The following STX8 variants were observed in gnomAD, a reference collection of about 807,000 sequenced individuals.
STX8 encodes syntaxin 8.
A neutral mutation model predicts 37.5 loss-of-function variants in STX8; 23 were observed. The observed-to-expected ratio is 0.61, with a 90% confidence interval of 0.44 to 0.87. The LOEUF (loss-of-function observed/expected upper bound fraction) is 0.87. STX8 is among the 40% of genes least tolerant of loss of function. The pLI is 0.00. For synonymous variants in STX8, 115 were observed against 99.1 expected (o/e 1.16, Z -0.95); for missense variants, 313 against 284.7 (o/e 1.10, Z -0.71).
At chr17:9,377,352 G>A (rs1478526988) in intron 7 of STX8, among the ~76,000 whole-genome samples, 1 of 151,568 alleles carries the variant, frequency 6.6e-6, no homozygotes, top group African/African-American at 2.4e-5. Flanking sequence ...CCAAGTGGAA[G>A]TACAGTAAGA....
intron 4 of STX8, among the ~76,000 whole-genome samples, chr17:9,536,195 T>C (rs983423438): frequency 2.6e-5 from 4 of 152,228 alleles, no homozygotes; most frequent in Admixed American, 2.6e-4. Flanking sequence ...ATATTACTTA[T>C]GCAAAACACA....
chr17:9,341,521 C>T (rs1910357900), intron 7 of STX8, among the ~76,000 whole-genome samples: 1 of 152,216 alleles, frequency 6.6e-6, no homozygotes, highest in Non-Finnish European at 1.5e-5. Flanking sequence ...ACTGCAACCT[C>T]TGTCTCCTGG....
intron 6 of STX8, among the ~76,000 whole-genome samples, chr17:9,424,676 T>C (rs1306816621): frequency 6.6e-6 from 1 of 152,148 alleles, no homozygotes; most frequent in Admixed American, 6.5e-5. Context: ...AGCTCTCTCA[T>C]ACAAGCATTC....
intron 7 of STX8, among the ~76,000 whole-genome samples, chr17:9,253,057 G>T (rs555540415): frequency 4.3e-4 from 65 of 152,332 alleles, no homozygotes; most frequent in Non-Finnish European, 7.8e-4. Flanking sequence ...CCACTTAGGC[G>T]CTGGCCTTCA....
chr17:9,442,083 A>G (rs1330131232), intron 6 of STX8, among the ~76,000 whole-genome samples: 3 of 152,126 alleles, frequency 2.0e-5, no homozygotes, highest in Non-Finnish European at 4.4e-5. Flanking sequence ...CTAAGCTGAG[A>G]GCACCCCACG....
At chr17:9,290,133 A>T (rs892790186) in intron 7 of STX8, among the ~76,000 whole-genome samples, 2 of 152,196 alleles carry the variant, frequency 1.3e-5, no homozygotes, top group African/African-American at 4.8e-5. Flanking sequence ...AACCAAGAAG[A>T]GAGTGTGAAA....
chr17:9,261,522 G>C (rs1416964937), intron 7 of STX8, among the ~76,000 whole-genome samples: 1 of 152,200 alleles, frequency 6.6e-6, no homozygotes, highest in Non-Finnish European at 1.5e-5. Context: ...AAACTCTGCA[G>C]ATGATAGCCG....
At chr17:9,304,656 C>G (rs928723826) in intron 7 of STX8, among the ~76,000 whole-genome samples, 7 of 151,912 alleles carry the variant, frequency 4.6e-5, no homozygotes, top group Non-Finnish European at 7.4e-5. Context: ...CAACTTAATA[C>G]AATGAAATAA....
At chr17:9,327,327 A>AGAGAAG (rs957637328) in intron 7 of STX8, among the ~76,000 whole-genome samples, 2 of 149,668 alleles carry the variant, frequency 1.3e-5, no homozygotes, top group African/African-American at 2.4e-5. Context: ...AAGAAGGAGA[A>AGAGAAG]GAGAAGGAGA....
At chr17:9,311,969 T>C (rs1909206495) in intron 7 of STX8, among the ~76,000 whole-genome samples, 1 of 151,750 alleles carries the variant, frequency 6.6e-6, no homozygotes, top group South Asian at 2.1e-4. Flanking sequence ...TGCCTCAGCC[T>C]CCCGAGTAGC....
intron 7 of STX8, among the ~76,000 whole-genome samples, chr17:9,280,768 A>G (rs565492067): frequency 6.6e-6 from 1 of 152,340 alleles, no homozygotes; most frequent in East Asian, 1.9e-4. Context: ...TAACTCAAAT[A>G]GCAACAGGAT....
At chr17:9,524,458 T>C (rs1301477275) in intron 4 of STX8, among the ~76,000 whole-genome samples, 1 of 152,164 alleles carries the variant, frequency 6.6e-6, no homozygotes, top group Non-Finnish European at 1.5e-5. Flanking sequence ...AATCTTTTTT[T>C]TATAAGGGCA....
At chr17:9,272,744 C>G (rs1213575276) in intron 7 of STX8, among the ~76,000 whole-genome samples, 1 of 152,154 alleles carries the variant, frequency 6.6e-6, no homozygotes, top group Non-Finnish European at 1.5e-5. Context: ...TTCTTTACGC[C>G]CGCTGGAACA....
chr17:9,363,053 CATAACTG>C lies in STX8; in HGVS notation c.643+15492_643+15498del, dbSNP rs1331812446. On this transcript the variant is annotated intron_variant, in intron 7 of 7. Transcript: ENST00000306357. The stretch of plus-strand genomic sequence containing the variant: ...AAAGGTCTTGCCTATTCCCCTAGCT[CATAACTG>C]ATTTAGTGTGAGTGCACGTGTGTAT... Among the ~76,000 whole-genome samples, 4 of 152,100 alleles carry C rather than the reference CATAACTG, an allele frequency of 2.6e-5. No individual in the cohort carries two copies. In the East Asian group the frequency reaches 7.7e-4, roughly 29 times the overall value.
rs1017325693 is a variant in STX8 at position 9,433,185 on chromosome 17, C to T, written c.542-54532G>A. Among the ~76,000 whole-genome samples, 18 of 152,334 alleles carry T rather than the reference C, an allele frequency of 1.2e-4. No individual in the cohort carries two copies. The East Asian group carries it at 2.7e-3, about 23-fold the overall frequency. The stretch of plus-strand genomic sequence containing the variant: ...CCTAAGATTTATTCTTTGACACTAG[C>T]GTTTTGATGTGGAAGACAAGGCATA... On this transcript the variant is annotated intron_variant, in intron 6 of 7. Transcript: ENST00000306357.
chr17:9,490,075 T>A (rs1383545466), intron 6 of STX8, among the ~76,000 whole-genome samples: 1 of 152,204 alleles, frequency 6.6e-6, no homozygotes, highest in African/African-American at 2.4e-5. Flanking sequence ...AATTAGCCTG[T>A]TCGTGTTGGT....
At chr17:9,558,925 G>A (rs988633394) in intron 2 of STX8, among the ~76,000 whole-genome samples, 6 of 152,070 alleles carry the variant, frequency 3.9e-5, no homozygotes, top group African/African-American at 1.2e-4. Context: ...AAAAGCATTT[G>A]GGAGATGAAA....
chr17:9,328,014 A>G (rs973724651), intron 7 of STX8, among the ~76,000 whole-genome samples: 7 of 127,860 alleles, frequency 5.5e-5, no homozygotes, highest in Non-Finnish European at 9.7e-5. Context: ...CTTCTCTCTC[A>G]TTCTTTCTCT....
chr17:9,440,587 C>T (rs1040436603), intron 6 of STX8, among the ~76,000 whole-genome samples: 3 of 148,180 alleles, frequency 2.0e-5, no homozygotes, highest in South Asian at 2.1e-4. Flanking sequence ...TGCAGTGGTG[C>T]GATCTCGGCT....
Sources: allele counts gnomAD v4.1 joint callset (sites outside exome capture counted in the v4.1 genomes callset), GRCh38; gene constraint gnomAD v4.1.1; transcripts MANE v1.5; gene names NCBI Gene and HGNC (gene_info 2026-07-23, HGNC 2026-07-21).